BCL11B: variants seen among roughly 807,000 people sequenced by gnomAD.
The protein encoded by BCL11B is BCL11 transcription factor B.
A neutral mutation model predicts 49.9 loss-of-function variants in BCL11B; 8 were observed. That is an observed-to-expected ratio of 0.16 (90% CI 0.09 to 0.29). BCL11B has a LOEUF of 0.29. BCL11B is among the 10% of genes least tolerant of loss of function. The pLI is 1.00. For missense variants in BCL11B, 1,006 were observed against 1,351.0 expected, an observed-to-expected ratio of 0.74 and a Z score of 4.00; for synonymous variants, 739 against 637.4, an observed-to-expected ratio of 1.16 and a Z score of -2.40.
intron 2 of BCL11B, among the ~76,000 whole-genome samples, chr14:99,235,906 TA>T (rs36049420): frequency 0.72 from 109,599 of 151,364 alleles, 40,234 homozygotes; most frequent in Non-Finnish European, 0.79. Flanking sequence ...TTAAAAAAAT[TA>T]AAAAAAAGCT....
At chr14:99,217,385 G>GACACACACACACATACAGAC (rs555834922) in intron 3 of BCL11B, among the ~76,000 whole-genome samples, 19,633 of 130,648 alleles carry the variant, frequency 0.15, 1,946 homozygotes, top group African/African-American at 0.29. Context: ...CACACATACA[G>GACACACACACACATACAGAC]ACACACACAC....
At position 99,179,572 on chromosome 14, in the gene BCL11B, C is replaced by T. The variant is rs920044613; in HGVS notation, c.641-3377G>A. ...ATAATTCACCATCAGGTGAGAAGAG[C>T]GATGTTTATTCATCAGGCTGGATTT... is the stretch of plus-strand genomic sequence containing the variant. On this transcript the variant is annotated intron_variant, in intron 3 of 3. Transcript: ENST00000357195. Among the ~76,000 whole-genome samples, 7 of 150,030 alleles carry T rather than the reference C, an allele frequency of 4.7e-5. No individual in the cohort carries two copies. The South Asian group carries it at 6.3e-4, about 14-fold the overall frequency.
intron 2 of BCL11B, among the ~76,000 whole-genome samples, chr14:99,251,008 G>A (rs1288094697): frequency 6.6e-6 from 1 of 152,192 alleles, no homozygotes; most frequent in Non-Finnish European, 1.5e-5. Flanking sequence ...CACATGGCAG[G>A]TGGGTCCACC....
At chr14:99,182,924 C>T (rs980380989) in intron 3 of BCL11B, among the ~76,000 whole-genome samples, 3 of 152,206 alleles carry the variant, frequency 2.0e-5, no homozygotes, top group Non-Finnish European at 4.4e-5. Context: ...GCTGAATGAG[C>T]GTGGTAGCAC....
intron 1 of BCL11B, among the ~76,000 whole-genome samples, chr14:99,268,780 C>T (rs1889561600): frequency 6.6e-6 from 1 of 152,174 alleles, no homozygotes; most frequent in Non-Finnish European, 1.5e-5. Context: ...AAAGGCAGGC[C>T]GGCTTTCCTT....
chr14:99,218,758 T>A (rs1166869899), intron 3 of BCL11B, among the ~76,000 whole-genome samples: 2 of 152,086 alleles, frequency 1.3e-5, no homozygotes, highest in African/African-American at 4.8e-5. Context: ...CACAGCTAGA[T>A]CCCAGGACCT....
chr14:99,229,151 G>C (rs1447507278), intron 3 of BCL11B, among the ~76,000 whole-genome samples: 2 of 152,010 alleles, frequency 1.3e-5, no homozygotes, highest in African/African-American at 4.8e-5. Flanking sequence ...TGGATGGATG[G>C]ATGGACGGAC....
In BCL11B at chr14:99,249,641, A is replaced by C. The variant is rs79247990; in HGVS notation, c.427+7830T>G. Reference sequence around the variant, plus strand: ...GAAGAACATAACTGCCGGAGTTGACACCCTGGGACCCTACTCACCGCTGTG... The same window carrying C: ...GAAGAACATAACTGCCGGAGTTGACCCCCTGGGACCCTACTCACCGCTGTG... On this transcript the variant is annotated intron_variant, in intron 2 of 3. Coordinates refer to ENST00000357195, the MANE Select transcript of BCL11B (RefSeq NM_138576.4). Among the ~76,000 whole-genome samples the C allele has an allele frequency of 9.0e-3, 1,372 of 152,272 alleles. 16 individuals carry two copies. The highest frequency in any genetic ancestry group is 0.012 in the Non-Finnish European group (831 of 68,024).
intron 1 of BCL11B, among the ~76,000 whole-genome samples, chr14:99,270,625 G>C (rs1340367642): frequency 6.6e-6 from 1 of 152,004 alleles, no homozygotes; most frequent in Non-Finnish European, 1.5e-5. Flanking sequence ...CGCAGGGACC[G>C]GGGACCCGGA....
Position 99,231,604 on chromosome 14 carries a change from G to A in BCL11B, c.428-47C>T. On this transcript the variant is annotated intron_variant, in intron 2 of 3. Transcript: ENST00000357195. This position sits in a 1 kb window ranked among gnomAD's most constrained non-coding sequence, Gnocchi z 8.1. ...AGACTGGTCAGTCGGGCCCTGGACTGTGTGAGGGGCACGGGGTGGGACGGG... is the reference window on the plus strand; with the variant it reads ...AGACTGGTCAGTCGGGCCCTGGACTATGTGAGGGGCACGGGGTGGGACGGG... 1 of 1,524,326 alleles carries A rather than the reference G, an allele frequency of 6.6e-7. No homozygotes were observed. Among genetic ancestry groups the A allele is most frequent in the Admixed American group, 2.0e-5 (1 of 50,922 alleles). The allele number at this position is 1,524,326 out of a possible 1,614,324, so 94.4% of individuals were successfully genotyped here.
At chr14:99,185,849 C>T (rs1476051521) in intron 3 of BCL11B, among the ~76,000 whole-genome samples, 4 of 152,206 alleles carry the variant, frequency 2.6e-5, no homozygotes, top group Non-Finnish European at 4.4e-5. Flanking sequence ...TGACCCAAGA[C>T]CTCACCGCAT....
chr14:99,265,613 C>T (rs1247138720), intron 1 of BCL11B, among the ~76,000 whole-genome samples: 1 of 152,218 alleles, frequency 6.6e-6, no homozygotes, highest in East Asian at 1.9e-4. Flanking sequence ...CAGAGACCAC[C>T]GTCCGGCCCA....
chr14:99,220,214 A>T (rs1463219220), intron 3 of BCL11B, among the ~76,000 whole-genome samples: 4 of 152,218 alleles, frequency 2.6e-5, no homozygotes. Flanking sequence ...ATATAGGATT[A>T]CCCTTTGACG....
chr14:99,258,646 A>G (rs1026824296), intron 1 of BCL11B, among the ~76,000 whole-genome samples: 1 of 152,226 alleles, frequency 6.6e-6, no homozygotes, highest in African/African-American at 2.4e-5. Context: ...CGGCTTGCAG[A>G]GTCGGGAAGC....
At chr14:99,237,672 C>T (rs767952860) in intron 2 of BCL11B, among the ~76,000 whole-genome samples, 33 of 152,048 alleles carry the variant, frequency 2.2e-4, no homozygotes, top group Non-Finnish European at 4.0e-4. Context: ...AGAAGAGCAA[C>T]GAAAAGGGAA....
rs914172044 is a variant in BCL11B at position 99,232,942 on chromosome 14, C to T, written c.428-1385G>A. The stretch of plus-strand genomic sequence containing the variant: ...TCCTGTCAAGAGGTCAAAGCTAACA[C>T]CAACACTGCTCGGAACCCCCTGAAC... On this transcript the variant is annotated intron_variant, in intron 2 of 3. Transcript: ENST00000357195. This position sits in a 1 kb window ranked among gnomAD's most constrained non-coding sequence, Gnocchi z 5.1. Among the ~76,000 whole-genome samples, 2 of 152,166 alleles carry T rather than the reference C, an allele frequency of 1.3e-5. No individual in the cohort carries two copies. Among genetic ancestry groups the T allele is most frequent in the South Asian group, 4.1e-4 (2 of 4,826 alleles).
At chr14:99,240,846 G>A (rs776889627) in intron 2 of BCL11B, among the ~76,000 whole-genome samples, 4 of 152,286 alleles carry the variant, frequency 2.6e-5, no homozygotes, top group South Asian at 2.1e-4. Flanking sequence ...ATCTAGCCAC[G>A]CGCGAGACGC....
chr14:99,190,158 A>T (rs1215147290), intron 3 of BCL11B, among the ~76,000 whole-genome samples: 1 of 152,240 alleles, frequency 6.6e-6, no homozygotes, highest in African/African-American at 2.4e-5. Flanking sequence ...GCCACATAAC[A>T]TGATTCACAG....
At chr14:99,227,317 C>T (rs1429393955) in intron 3 of BCL11B, among the ~76,000 whole-genome samples, 1 of 152,114 alleles carries the variant, frequency 6.6e-6, no homozygotes, top group Non-Finnish European at 1.5e-5. Context: ...GCACCTGGCC[C>T]GTATGATCTC....
Sources: allele counts gnomAD v4.1 joint callset (sites outside exome capture counted in the v4.1 genomes callset), GRCh38; gene constraint gnomAD v4.1.1; non-coding constraint Gnocchi (gnomAD v3.1); transcripts MANE v1.5; gene names NCBI Gene and HGNC (gene_info 2026-07-23, HGNC 2026-07-21).